The following MRTFB variants were observed in gnomAD, a reference collection of about 807,000 sequenced individuals.
The protein encoded by MRTFB is myocardin related transcription factor B, also known as myocardin-related transcription factor B.
Under a neutral mutation model 104.2 loss-of-function variants are expected in MRTFB, and 29 were observed. That is an observed-to-expected ratio of 0.28 (90% confidence interval 0.21 to 0.38). The LOEUF is 0.38. Among genes scored for constraint, MRTFB ranks in the 10% least tolerant of loss-of-function variants. MRTFB has a pLI of 1.00. For missense variants in MRTFB, 1,270 were observed against 1,341.6 expected (o/e 0.95, Z 0.83); for synonymous variants, 535 against 519.5 (o/e 1.03, Z -0.41).
chr16:14,242,006 TAATAATG>T (rs1459159386), intron 10 of MRTFB, among the ~76,000 whole-genome samples: 1 of 147,066 alleles, frequency 6.8e-6, no homozygotes, highest in East Asian at 1.9e-4. Flanking sequence ...ATAATAATAA[TAATAATG>T]GTAATGATGT....
At position 14,263,559 on chromosome 16, in the gene MRTFB, G is replaced by C. The variant is rs1392796453; in HGVS notation, c.*2115G>C. ...CCGAACACTAGTACCATTGACTCTC[G>C]TTGAATAACTTTATATTTCCATAAT... On this transcript the variant is annotated 3_prime_UTR_variant, in exon 17 of 17. Coordinates refer to ENST00000571589, the MANE Select transcript of MRTFB (RefSeq NM_001308142.2). 6.6e-6 allele frequency: 1 copy of C among 152,142 alleles called. No homozygotes were observed. The highest frequency in any genetic ancestry group is 1.5e-5 in the Non-Finnish European group (1 of 68,038). The allele number at this position is 152,142 out of a possible 1,614,324, so 9.4% of individuals were successfully genotyped here.
chr16:14,185,380 G>C (rs1289002382), intron 3 of MRTFB, among the ~76,000 whole-genome samples: 1 of 152,180 alleles, frequency 6.6e-6, no homozygotes, highest in Admixed American at 6.5e-5. Flanking sequence ...TGATTTTTCT[G>C]TCTGTAAAAA....
At chr16:14,178,723 G>T (rs1189058720) in intron 3 of MRTFB, among the ~76,000 whole-genome samples, 1 of 152,000 alleles carries the variant, frequency 6.6e-6, no homozygotes, top group East Asian at 1.9e-4. Flanking sequence ...GCTTTTCAGT[G>T]TATGGGGGGC....
At chr16:14,212,754 C>T (rs2041248213) in intron 5 of MRTFB, among the ~76,000 whole-genome samples, 1 of 152,158 alleles carries the variant, frequency 6.6e-6, no homozygotes, top group African/African-American at 2.4e-5. Flanking sequence ...AGAGAGACAG[C>T]CAAGGATGTG....
intron 2 of MRTFB, among the ~76,000 whole-genome samples, chr16:14,133,481 T>A (rs1427283693): frequency 6.6e-6 from 1 of 152,240 alleles, no homozygotes; most frequent in African/African-American, 2.4e-5. Flanking sequence ...ATTTTTTTCA[T>A]GTATTTTAAA....
chr16:14,260,050 A>G (rs1469192632), intron 16 of MRTFB, among the ~76,000 whole-genome samples: 1 of 152,220 alleles, frequency 6.6e-6, no homozygotes, highest in African/African-American at 2.4e-5. Context: ...TACTTCATTC[A>G]TTTATGTAGT....
chr16:14,061,665 G>A, the MRTFB span, among the ~76,000 whole-genome samples: 1 of 147,102 alleles, frequency 6.8e-6, no homozygotes, highest in African/African-American at 2.6e-5. Context: ...CAGACCCTCA[G>A]CTCTACCACT....
chr16:13,998,318 G>T, the MRTFB span, among the ~76,000 whole-genome samples: 38 of 151,980 alleles, frequency 2.5e-4, no homozygotes, highest in African/African-American at 8.2e-4. Context: ...AACAGACCTG[G>T]GATTCTTAGA....
chr16:14,070,625 C>A (rs2033626826), upstream of MRTFB, among the ~76,000 whole-genome samples: 1 of 152,250 alleles, frequency 6.6e-6, no homozygotes, highest in Admixed American at 6.5e-5. Context: ...TCGCCAGCTC[C>A]ATTGAAAACA....
chr16:14,181,443 C>T (rs1478366005), intron 3 of MRTFB, among the ~76,000 whole-genome samples: 1 of 150,466 alleles, frequency 6.6e-6, no homozygotes, highest in Non-Finnish European at 1.5e-5. Context: ...CTGACTCAGC[C>T]TGTGTGAAGG....
intron 3 of MRTFB, 184 bp downstream of exon 3, chr16:14,140,944 A>G: frequency 3.5e-6 from 2 of 578,748 alleles, no homozygotes; most frequent in South Asian, 2.5e-5. Flanking sequence ...CAGTTCTTTC[A>G]TTATTTTCCC....
At chr16:14,258,224 T>C (rs1364152361) in intron 16 of MRTFB, 63 bp downstream of exon 16, 1 of 1,382,748 alleles carries the variant, frequency 7.2e-7, no homozygotes, top group Non-Finnish European at 1.0e-6. Flanking sequence ...TTCATGAAAG[T>C]TTTTCTTAAG....
intron 3 of MRTFB, among the ~76,000 whole-genome samples, chr16:14,175,756 C>T (rs1273583019): frequency 6.6e-6 from 1 of 152,084 alleles, no homozygotes; most frequent in South Asian, 2.1e-4. Context: ...TATGGTATAT[C>T]CATACAGCGG....
the MRTFB span, among the ~76,000 whole-genome samples, chr16:14,032,137 C>G: frequency 2.0e-5 from 3 of 152,174 alleles, no homozygotes; most frequent in African/African-American, 7.2e-5. Flanking sequence ...AGGCTACAGA[C>G]TAGGAGACAG....
intron 3 of MRTFB, chr16:14,141,214 T>C (rs8049635): frequency 0.058 from 9,481 of 164,138 alleles, 911 homozygotes; most frequent in African/African-American, 0.2. Context: ...GTATTTATTA[T>C]ATTAATGGGT....
the MRTFB span, among the ~76,000 whole-genome samples, chr16:14,000,255 T>A: frequency 6.6e-6 from 1 of 152,212 alleles, no homozygotes; most frequent in Non-Finnish European, 1.5e-5. Flanking sequence ...TCCTTTCGGG[T>A]CACCCCTTGG....
chr16:14,055,642 G>T, the MRTFB span, among the ~76,000 whole-genome samples: 1 of 152,106 alleles, frequency 6.6e-6, no homozygotes, highest in Non-Finnish European at 1.5e-5. Context: ...GGAGGTTATG[G>T]GTTTGGGAGA....
intron 1 of MRTFB, among the ~76,000 whole-genome samples, chr16:14,072,549 G>T (rs2033775486): frequency 6.6e-6 from 1 of 152,222 alleles, no homozygotes; most frequent in Non-Finnish European, 1.5e-5. Flanking sequence ...GCGTGGTGTG[G>T]TGGCGCACAC....
At chr16:14,208,572 T>G (rs557085421) in intron 3 of MRTFB, among the ~76,000 whole-genome samples, 3 of 152,344 alleles carry the variant, frequency 2.0e-5, no homozygotes, top group East Asian at 3.9e-4. Context: ...TCTGGAGAAC[T>G]GTTCTAACCC....
Sources: gnomAD v4.1 joint callset for allele counts (sites outside exome capture counted in the v4.1 genomes callset) on GRCh38, gnomAD v4.1.1 for gene constraint, MANE v1.5 for transcripts, NCBI Gene and HGNC (gene_info 2026-07-23, HGNC 2026-07-21) for gene names.